MAN1C1: variants seen among roughly 807,000 people sequenced by gnomAD.
MAN1C1 encodes the protein mannosidase alpha class 1C member 1.
Under a neutral mutation model 71.5 loss-of-function variants are expected in MAN1C1, and 49 were observed. The observed-to-expected ratio is 0.69, with a 90% confidence interval of 0.54 to 0.87. MAN1C1 has a LOEUF of 0.87. Ranked by LOEUF, MAN1C1 falls within the 40% of genes least tolerant of loss-of-function variation. MAN1C1 has a pLI of 0.00. For synonymous variants in MAN1C1, 352 were observed against 343.7 expected (o/e 1.02, Z -0.27); for missense variants, 743 against 835.0 (o/e 0.89, Z 1.36).
chr1:25,774,082 G>A (rs896359334), intron 8 of MAN1C1, among the ~76,000 whole-genome samples: 1 of 152,270 alleles, frequency 6.6e-6, no homozygotes, highest in Non-Finnish European at 1.5e-5. Flanking sequence ...CACCTGGAGA[G>A]CTTTAAAAAT....
In MAN1C1 at chr1:25,690,748, T is replaced by G. The variant is rs187998607; in HGVS notation, c.637+4212T>G. 2.0e-5 allele frequency among the ~76,000 whole-genome samples: 3 copies of G among 152,316 alleles called. No homozygotes were observed. The East Asian group carries it at 5.8e-4, about 29-fold the overall frequency. ...TGTGGAGTGGGGCAGGGGTCCCGCC[T>G]CCAGTCTGTGGTGAGGATTAGAGAG... On this transcript the variant is annotated intron_variant, in intron 2 of 11. Coordinates refer to ENST00000374332, the MANE Select transcript of MAN1C1 (RefSeq NM_020379.4).
intron 2 of MAN1C1, among the ~76,000 whole-genome samples, chr1:25,715,029 G>A (rs553093408): frequency 1.8e-4 from 28 of 152,240 alleles, no homozygotes; most frequent in Middle Eastern, 3.4e-3. Flanking sequence ...CGTCTCAAAT[G>A]AAGACGGACA....
At chr1:25,689,729 C>T (rs2982321) in intron 2 of MAN1C1, among the ~76,000 whole-genome samples, 2 of 152,046 alleles carry the variant, frequency 1.3e-5, no homozygotes, top group Non-Finnish European at 2.9e-5. Flanking sequence ...CATTTAATGT[C>T]CTCCCTATAG....
rs1197391082 is a variant in MAN1C1, at chr1:25,753,608, C to A, written c.929+30C>A. The A allele has an allele frequency of 6.3e-7, 1 of 1,586,504 alleles. No individual in the cohort carries two copies. Among genetic ancestry groups the A allele is most frequent in the Non-Finnish European group, 8.6e-7 (1 of 1,157,298 alleles). ...GGCGCCATCGCGTTCCCCACTGGGG[C>A]TTTACTGCGACCATGCCCACCATTT... On this transcript the variant is annotated intron_variant, in intron 5 of 11. Transcript: ENST00000374332. This position sits in a 1 kb window ranked among gnomAD's most constrained non-coding sequence, Gnocchi z 4.9.
rs551052592 is a variant in MAN1C1 at position 25,713,415 on chromosome 1, C to T, written c.637+26879C>T. Among the ~76,000 whole-genome samples the T allele has an allele frequency of 9.8e-5, 15 of 152,358 alleles. No individual in the cohort carries two copies. In the South Asian group the frequency reaches 2.3e-3, roughly 23 times the overall value. On this transcript the variant is annotated intron_variant, in intron 2 of 11. Coordinates refer to ENST00000374332, the MANE Select transcript of MAN1C1 (RefSeq NM_020379.4). ...GCATACCAAATGGCAAAGCAAAATT[C>T]ATACGCAGGTTTTGAGTCTCCACAG...
In MAN1C1 at chr1:25,618,024, G is replaced by A; in HGVS notation, c.227G>A (p.Arg76His). 3 of 1,595,370 alleles carry A rather than the reference G, an allele frequency of 1.9e-6. No individual in the cohort carries two copies. Among genetic ancestry groups the A allele is most frequent in the Admixed American group, 1.7e-5 (1 of 59,002 alleles). ...VAEIAGHAPA[R>H]EQEPPPNPAP... ...GAAATCGCCGGCCATGCCCCGGCCCGCGAGCAGGAGCCGCCTCCCAACCCG... is the reference window on the plus strand; with the variant it reads ...GAAATCGCCGGCCATGCCCCGGCCCACGAGCAGGAGCCGCCTCCCAACCCG... The change falls in exon 1 of 12, where the codon CGC (arginine) becomes CAC (histidine). Residue 76 changes from arginine (R) to histidine (H), a missense_variant. Arg to His is a conservative substitution (Grantham distance 29). Coordinates refer to ENST00000374332, the MANE Select transcript of MAN1C1 (RefSeq NM_020379.4).
intron 7 of MAN1C1, among the ~76,000 whole-genome samples, chr1:25,770,993 C>T (rs1343731182): frequency 6.6e-6 from 1 of 152,210 alleles, no homozygotes; most frequent in African/African-American, 2.4e-5. Context: ...CGTCTTCCTC[C>T]TGGGACGGCC....
intron 2 of MAN1C1, among the ~76,000 whole-genome samples, chr1:25,738,728 A>T (rs966509482): frequency 1.3e-5 from 2 of 152,244 alleles, no homozygotes; most frequent in Admixed American, 6.5e-5. Flanking sequence ...ACTGTCAGTC[A>T]GAAAACTGAT....
chr1:25,661,767 A>C (rs187386510), intron 1 of MAN1C1, among the ~76,000 whole-genome samples: 46 of 152,330 alleles, frequency 3.0e-4, no homozygotes, highest in African/African-American at 1.1e-3. Flanking sequence ...GGTTGAAGGG[A>C]GATCTAAGAT....
intron 2 of MAN1C1, among the ~76,000 whole-genome samples, chr1:25,698,964 A>AT (rs2046402023): frequency 6.7e-6 from 1 of 150,006 alleles, no homozygotes; most frequent in Non-Finnish European, 1.5e-5. Context: ...AAAAAAAAAA[A>AT]GCTTCTTGGG....
intron 8 of MAN1C1, 128 bp from the exon 9 acceptor site, chr1:25,777,977 C>G: frequency 2.9e-6 from 2 of 697,100 alleles, no homozygotes; most frequent in South Asian, 2.1e-5. Context: ...CCTCCTTTGC[C>G]TGGGATGGAG....
intron 8 of MAN1C1, among the ~76,000 whole-genome samples, chr1:25,772,725 T>C (rs933937450): frequency 1.3e-5 from 2 of 152,202 alleles, no homozygotes; most frequent in African/African-American, 4.8e-5. Context: ...TGGCTTCCCT[T>C]AGCACCTGGA....
chr1:25,774,704 A>G (rs1370085754), intron 8 of MAN1C1, among the ~76,000 whole-genome samples: 2 of 152,210 alleles, frequency 1.3e-5, no homozygotes, highest in Non-Finnish European at 2.9e-5. Flanking sequence ...GCCCAAGGTC[A>G]TCTAGCTCCT....
intron 1 of MAN1C1, among the ~76,000 whole-genome samples, chr1:25,672,539 T>C (rs1434599140): frequency 6.6e-6 from 1 of 152,136 alleles, no homozygotes; most frequent in Non-Finnish European, 1.5e-5. Context: ...CCAGCAGTGG[T>C]GGAGTCTTTT....
chr1:25,783,875 C>T lies in MAN1C1; in HGVS notation c.*86C>T, dbSNP rs771704003. ...AGACTGTTCTCAAAGGGATTGGGAACGAAGGCCCCATCTCGGGCAGACCCC... is the reference window on the plus strand; with the variant it reads ...AGACTGTTCTCAAAGGGATTGGGAATGAAGGCCCCATCTCGGGCAGACCCC... On this transcript the variant is annotated 3_prime_UTR_variant, in exon 12 of 12. Transcript: ENST00000374332. 64 of 1,510,192 alleles carry T rather than the reference C, an allele frequency of 4.2e-5. No homozygotes were observed. The highest frequency in any genetic ancestry group is 1.3e-4 in the Admixed American group (7 of 51,860). 93.5% of individuals were successfully genotyped at this position (1,510,192 alleles called of 1,614,324 possible).
chr1:25,748,259 G>A (rs796199434), intron 3 of MAN1C1, among the ~76,000 whole-genome samples: 4 of 152,298 alleles, frequency 2.6e-5, no homozygotes, highest in African/African-American at 9.6e-5. Flanking sequence ...TGAGAAATGG[G>A]AATGATGACC....
chr1:25,753,539 C>G lies in MAN1C1; in HGVS notation c.890C>G (p.Thr297Ser). ...LGEKLLPAFN[T>S]PTGIPKGVVS... The stretch of plus-strand genomic sequence containing the variant: ...GAGAAGCTCCTGCCGGCGTTCAACA[C>G]CCCCACGGGAATCCCAAAGGGCGTG... The change falls in exon 5 of 12, where the codon ACC becomes AGC. Residue 297 changes from threonine (T) to serine (S), a missense_variant. Coordinates refer to ENST00000374332, the MANE Select transcript of MAN1C1 (RefSeq NM_020379.4). This position sits in a 1 kb window ranked among gnomAD's most constrained non-coding sequence, Gnocchi z 4.9. The G allele has an allele frequency of 1.2e-6, 2 of 1,613,828 alleles. No individual in the cohort carries two copies. Among genetic ancestry groups the G allele is most frequent in the Non-Finnish European group, 1.7e-6 (2 of 1,179,858 alleles).
chr1:25,756,539 A>G (rs1276696819), intron 5 of MAN1C1, among the ~76,000 whole-genome samples: 1 of 152,216 alleles, frequency 6.6e-6, no homozygotes, highest in African/African-American at 2.4e-5. Context: ...TGCAGGAAGA[A>G]TCAATTATTC....
At chr1:25,625,936 A>G (rs1174889415) in intron 1 of MAN1C1, among the ~76,000 whole-genome samples, 1 of 152,204 alleles carries the variant, frequency 6.6e-6, no homozygotes, top group Non-Finnish European at 1.5e-5. Context: ...TCAGTACTTC[A>G]TTCCTTTTTA....
Sources: gnomAD v4.1 joint callset for allele counts (sites outside exome capture counted in the v4.1 genomes callset) on GRCh38, gnomAD v4.1.1 for gene constraint, Gnocchi (gnomAD v3.1) non-coding constraint, MANE v1.5 for transcripts, NCBI Gene and HGNC (gene_info 2026-07-23, HGNC 2026-07-21) for gene names.